PRKG1: variants seen among roughly 807,000 people sequenced by gnomAD.
The protein encoded by PRKG1 is protein kinase cGMP-dependent 1.
PRKG1 carries 35 observed loss-of-function variants against 88.1 expected under a neutral mutation model. The ratio of observed to expected loss-of-function variants is 0.40; its 90% CI spans 0.30 to 0.53. The LOEUF is 0.53. PRKG1 is among the 20% of genes least tolerant of loss of function. The pLI is 0.59. For synonymous variants in PRKG1, 303 were observed against 292.5 expected (o/e 1.04, Z -0.37); for missense variants, 540 against 839.8 (o/e 0.64, Z 4.41).
At chr10:51,813,435 A>C (rs1207931119) in intron 4 of PRKG1, among the ~76,000 whole-genome samples, 1 of 152,186 alleles carries the variant, frequency 6.6e-6, no homozygotes, top group Non-Finnish European at 1.5e-5. Flanking sequence ...CCATAATTAG[A>C]AATAAACAAA....
chr10:51,370,044 TGATGA>T (rs1330910677), intron 2 of PRKG1, among the ~76,000 whole-genome samples: 4 of 152,114 alleles, frequency 2.6e-5, no homozygotes, highest in Non-Finnish European at 5.9e-5. Flanking sequence ...GCCATTTTGA[TGATGA>T]GATGAGTAAT....
chr10:51,035,141 T>G (rs770832400), intron 1 of PRKG1, among the ~76,000 whole-genome samples: 1 of 152,160 alleles, frequency 6.6e-6, no homozygotes, highest in Non-Finnish European at 1.5e-5. Context: ...TGCCTGCATT[T>G]AAATCTTGGC....
At chr10:52,167,356 C>A (rs1368627030) in intron 9 of PRKG1, among the ~76,000 whole-genome samples, 6 of 152,064 alleles carry the variant, frequency 3.9e-5, no homozygotes, top group Non-Finnish European at 8.8e-5. Flanking sequence ...GAGATCCACC[C>A]CTATAACCCA....
chr10:51,698,262 T>C (rs1326066625), intron 3 of PRKG1: 3 of 1,613,954 alleles, frequency 1.9e-6, no homozygotes, highest in Non-Finnish European at 2.5e-6. Context: ...ATTACACGTG[T>C]CTCTAAGACC....
Position 52,123,252 on chromosome 10 carries a change from G to A in PRKG1, c.936-10588G>A, listed in dbSNP as rs149335453. On this transcript the variant is annotated intron_variant, in intron 7 of 17. Coordinates refer to ENST00000373980, the MANE Select transcript of PRKG1 (RefSeq NM_006258.4). Reference sequence around the variant, plus strand: ...CTCTATTTAGTTATTGTGTTCTCCCGTGGATATAGATCGAAGAGGATATGC... The same window carrying A: ...CTCTATTTAGTTATTGTGTTCTCCCATGGATATAGATCGAAGAGGATATGC... Among the ~76,000 whole-genome samples, 1,401 of 152,186 alleles carry A rather than the reference G, an allele frequency of 9.2e-3. 19 individuals are homozygous for A. The highest frequency in any genetic ancestry group is 0.028 in the African/African-American group (1,176 of 41,526).
chr10:51,033,559 C>A (rs1843314829), intron 1 of PRKG1, among the ~76,000 whole-genome samples: 1 of 152,026 alleles, frequency 6.6e-6, no homozygotes, highest in African/African-American at 2.4e-5. Flanking sequence ...TTAGGTTGGC[C>A]AATTTAGGCA....
chr10:51,170,973 C>T (rs150754456), intron 2 of PRKG1, among the ~76,000 whole-genome samples: 126 of 152,214 alleles, frequency 8.3e-4, no homozygotes, highest in Middle Eastern at 3.4e-3. Flanking sequence ...GTACCAAGCA[C>T]ACATATCAGC....
chr10:51,785,393 A>G (rs1203348974), intron 3 of PRKG1, among the ~76,000 whole-genome samples: 1 of 152,118 alleles, frequency 6.6e-6, no homozygotes, highest in Non-Finnish European at 1.5e-5. Context: ...TAACAAGAAA[A>G]GAAAAACAAA....
At chr10:52,192,728 A>C (rs1390452514) in intron 9 of PRKG1, among the ~76,000 whole-genome samples, 1 of 152,068 alleles carries the variant, frequency 6.6e-6, no homozygotes, top group Non-Finnish European at 1.5e-5. Context: ...CTAAGATATT[A>C]AGTATTTATA....
At chr10:52,102,403 A>G (rs528171037) in intron 7 of PRKG1, among the ~76,000 whole-genome samples, 1 of 152,086 alleles carries the variant, frequency 6.6e-6, no homozygotes, top group South Asian at 2.1e-4. Context: ...TGCAGAGGGA[A>G]CATCATAAGC....
intron 2 of PRKG1, among the ~76,000 whole-genome samples, chr10:51,447,848 T>C (rs1200422857): frequency 1.3e-5 from 2 of 152,014 alleles, no homozygotes; most frequent in Non-Finnish European, 2.9e-5. Flanking sequence ...ATATGTCTAG[T>C]TAGAATATTC....
chr10:52,089,804 C>CTTTTTTTTTTTT lies in PRKG1; in HGVS notation c.935+27186_935+27197dup, dbSNP rs397846439. On this transcript the variant is annotated intron_variant, in intron 7 of 17. Coordinates refer to ENST00000373980, the MANE Select transcript of PRKG1 (RefSeq NM_006258.4). Reference sequence around the variant, plus strand: ...GGCTTAGATTATTGTTTCTTTCCTTCTTTTTTTTTTTTTTTTTTTTTTTTG... The same window carrying CTTTTTTTTTTTT: ...GGCTTAGATTATTGTTTCTTTCCTTCTTTTTTTTTTTTTTTTTTTTTTTTTTTTTTTTTTTTG... Among the ~76,000 whole-genome samples the CTTTTTTTTTTTT allele has an allele frequency of 5.8e-4, 39 of 67,732 alleles. 5 individuals carry two copies. The highest frequency in any genetic ancestry group is 1.8e-3 in the African/African-American group (27 of 14,864). 44.4% of individuals were successfully genotyped at this position (67,732 alleles called of 152,430 possible).
intron 1 of PRKG1, among the ~76,000 whole-genome samples, chr10:51,116,721 T>A (rs1365291818): frequency 6.6e-6 from 1 of 152,032 alleles, no homozygotes; most frequent in Non-Finnish European, 1.5e-5. Flanking sequence ...GAGTTCAAGA[T>A]GTAGTTAATA....
At chr10:51,151,101 T>G (rs1270281394) in intron 1 of PRKG1, among the ~76,000 whole-genome samples, 4 of 140,858 alleles carry the variant, frequency 2.8e-5, no homozygotes, top group African/African-American at 1.1e-4. Flanking sequence ...CAAGAAACTA[T>G]GAACCCATCA....
At chr10:51,072,945 A>G (rs1843853741), upstream of PRKG1, among the ~76,000 whole-genome samples, 1 of 152,188 alleles carries the variant, frequency 6.6e-6, no homozygotes, top group Non-Finnish European at 1.5e-5. Flanking sequence ...TTGCATTGCA[A>G]TTCAATTTTA....
intron 9 of PRKG1, among the ~76,000 whole-genome samples, chr10:52,208,837 T>G (rs1455180990): frequency 3.9e-5 from 6 of 152,322 alleles, no homozygotes; most frequent in African/African-American, 1.4e-4. Flanking sequence ...TAATTTATGT[T>G]GTATATAAGT....
chr10:51,612,263 A>G (rs996386982), intron 3 of PRKG1, among the ~76,000 whole-genome samples: 2 of 151,978 alleles, frequency 1.3e-5, no homozygotes, highest in African/African-American at 2.4e-5. Flanking sequence ...CTCCTACTCT[A>G]TTAGCATGAA....
At chr10:51,756,675 C>T (rs1356049322) in intron 3 of PRKG1, among the ~76,000 whole-genome samples, 2 of 151,676 alleles carry the variant, frequency 1.3e-5, no homozygotes, top group Non-Finnish European at 2.9e-5. Flanking sequence ...ATTAGCCAGG[C>T]ATGGTGGGGG....
chr10:52,040,935 T>A (rs2133230172), intron 5 of PRKG1, among the ~76,000 whole-genome samples: 1 of 150,524 alleles, frequency 6.6e-6, no homozygotes, highest in East Asian at 2.0e-4. Context: ...CTCCTGGGTT[T>A]AAGCAATTCT....
Sources: allele counts gnomAD v4.1 joint callset (sites outside exome capture counted in the v4.1 genomes callset), GRCh38; gene constraint gnomAD v4.1.1; transcripts MANE v1.5; gene names NCBI Gene and HGNC (gene_info 2026-07-23, HGNC 2026-07-21).